Variants in NRG1 observed in about 807,000 individuals in gnomAD.
NRG1 encodes pro-neuregulin-1, membrane-bound isoform.
A neutral mutation model predicts 63.8 loss-of-function variants in NRG1; 18 were observed. The observed-to-expected ratio is 0.28, with a 90% confidence interval of 0.19 to 0.42. The LOEUF (loss-of-function observed/expected upper bound fraction) is 0.42, where lower values mean the gene tolerates loss of function less well. Ranked by LOEUF, NRG1 falls within the 10% of genes least tolerant of loss-of-function variation. The pLI is 1.00. For synonymous variants in NRG1, 302 were observed against 301.3 expected, an observed-to-expected ratio of 1.00 and a Z score of -0.02; for missense variants, 762 against 814.7, an observed-to-expected ratio of 0.94 and a Z score of 0.79.
rs528748960 is a variant in NRG1 at position 31,805,455 on chromosome 8, T to C, written c.37+166024T>C. 3.9e-4 allele frequency among the ~76,000 whole-genome samples: 60 copies of C among 152,222 alleles called. No individual in the cohort carries two copies. In the South Asian group the frequency reaches 6.0e-3, roughly 15 times the overall value. Reference sequence around the variant, plus strand: ...AATTATTATGGATTATGAAACAGCATAATTAGTTGTAACAGTTTTACCTTG... The same window carrying C: ...AATTATTATGGATTATGAAACAGCACAATTAGTTGTAACAGTTTTACCTTG... On this transcript the variant is annotated intron_variant, in intron 1 of 10. Coordinates refer to the NRG1 transcript ENST00000519301.
chr8:31,923,476 A>G (rs929019027), intron 1 of NRG1, among the ~76,000 whole-genome samples: 2 of 152,120 alleles, frequency 1.3e-5, no homozygotes, highest in Admixed American at 1.3e-4. Flanking sequence ...CATAAAATGC[A>G]TTACTAATTG....
Position 31,840,823 on chromosome 8 carries a change from AAGAG to A in NRG1, c.37+201398_37+201401del, listed in dbSNP as rs756072417. On this transcript the variant is annotated intron_variant, in intron 1 of 10. Transcript: ENST00000519301. ...TTAGGTGCAGTGTAGGACACAAATAAAGAGAGAGAAGGGAGAGAACACTGCCGAG... is the reference window on the plus strand; with the variant it reads ...TTAGGTGCAGTGTAGGACACAAATAAAGAGAAGGGAGAGAACACTGCCGAG... Among the ~76,000 whole-genome samples the A allele has an allele frequency of 2.0e-4, 31 of 152,252 alleles. No homozygotes were observed. In the East Asian group the frequency reaches 2.1e-3, roughly 10 times the overall value.
intron 1 of NRG1, among the ~76,000 whole-genome samples, chr8:32,431,874 A>T (rs1356804937): frequency 6.6e-6 from 1 of 152,136 alleles, no homozygotes; most frequent in East Asian, 1.9e-4. Context: ...TGTGAACACT[A>T]TCAGTAGGGA....
At chr8:31,831,622 G>T (rs1825171239) in intron 1 of NRG1, among the ~76,000 whole-genome samples, 1 of 152,156 alleles carries the variant, frequency 6.6e-6, no homozygotes, top group Admixed American at 6.5e-5. Context: ...ACTAGTGACA[G>T]GGTCAATTTT....
intron 1 of NRG1, among the ~76,000 whole-genome samples, chr8:32,567,996 G>C (rs1031440695): frequency 2.0e-5 from 3 of 152,338 alleles, no homozygotes; most frequent in Non-Finnish European, 4.4e-5. Flanking sequence ...GGCAGGTCAA[G>C]GGTGAGATTT....
intron 1 of NRG1, among the ~76,000 whole-genome samples, chr8:32,522,676 C>T (rs1470975960): frequency 6.6e-6 from 1 of 152,202 alleles, no homozygotes; most frequent in Non-Finnish European, 1.5e-5. Context: ...TTCAATTTCT[C>T]CCTTTCTTGT....
intron 1 of NRG1, among the ~76,000 whole-genome samples, chr8:32,364,843 A>T (rs1351540311): frequency 6.6e-6 from 1 of 152,020 alleles, no homozygotes; most frequent in Non-Finnish European, 1.5e-5. Flanking sequence ...ATATTTAATT[A>T]TCTGATGAGT....
At chr8:32,159,136 C>T (rs2131894178) in intron 1 of NRG1, among the ~76,000 whole-genome samples, 1 of 152,336 alleles carries the variant, frequency 6.6e-6, no homozygotes, top group Non-Finnish European at 1.5e-5. Context: ...CACTAGTCAG[C>T]ATTATTACCT....
chr8:32,544,679 C>CTTTTTT (rs755780220), upstream of NRG1, among the ~76,000 whole-genome samples: 186 of 80,466 alleles, frequency 2.3e-3, no homozygotes, highest in Middle Eastern at 0.013. Context: ...ATTTTTGTAT[C>CTTTTTT]TTTTTTTTTT....
chr8:32,548,407 C>T (rs1311318657), exon 1 of NRG1: 2 of 1,091,720 alleles, frequency 1.8e-6, no homozygotes, highest in African/African-American at 3.3e-5. Flanking sequence ...ATAACCTCTC[C>T]CCGATCGGGT....
chr8:32,099,689 G>A (rs1033161599), intron 1 of NRG1: 3 of 152,220 alleles, frequency 2.0e-5, no homozygotes, highest in African/African-American at 7.2e-5. Context: ...ACCAGTTGTT[G>A]AAGAACCTTG....
At chr8:32,519,523 A>G (rs1359217933) in intron 1 of NRG1, among the ~76,000 whole-genome samples, 6 of 152,000 alleles carry the variant, frequency 3.9e-5, no homozygotes, top group Non-Finnish European at 8.8e-5. Flanking sequence ...ATTATACGCA[A>G]GATTTGAAAC....
chr8:32,066,286 C>A (rs1456934991), intron 1 of NRG1, among the ~76,000 whole-genome samples: 1 of 152,136 alleles, frequency 6.6e-6, no homozygotes, highest in East Asian at 1.9e-4. Flanking sequence ...AATGGTATTG[C>A]CTAGGTTTTC....
chr8:32,251,896 C>T (rs1173694380), intron 1 of NRG1, among the ~76,000 whole-genome samples: 1 of 75,834 alleles, frequency 1.3e-5, no homozygotes, highest in East Asian at 2.6e-4. Context: ...ATGTTAGCTG[C>T]ATAATGTCAT....
intron 1 of NRG1, among the ~76,000 whole-genome samples, chr8:32,342,882 A>T (rs528216475): frequency 6.6e-6 from 1 of 152,328 alleles, no homozygotes; most frequent in Non-Finnish European, 1.5e-5. Context: ...AGATGGGCTT[A>T]TATTCAGGCA....
intron 1 of NRG1, among the ~76,000 whole-genome samples, chr8:32,337,525 T>C (rs1336367127): frequency 6.6e-6 from 1 of 151,812 alleles, no homozygotes; most frequent in African/African-American, 2.4e-5. Flanking sequence ...TGCCTTTGAA[T>C]GGGGACCACA....
intron 1 of NRG1, among the ~76,000 whole-genome samples, chr8:32,468,288 T>G (rs1823326890): frequency 1.3e-5 from 2 of 152,214 alleles, no homozygotes; most frequent in South Asian, 4.1e-4. Context: ...TCCTCTTAGC[T>G]TCTGTCTGTT....
Position 32,577,616 on chromosome 8 carries a change from C to T in NRG1, c.101-18212C>T, listed in dbSNP as rs533262636. Among the ~76,000 whole-genome samples the T allele has an allele frequency of 2.0e-5, 3 of 152,214 alleles. No homozygotes were observed. In the South Asian group the frequency reaches 6.2e-4, roughly 32 times the overall value. Reference sequence around the variant, plus strand: ...AACACCAACAAGAATAACAATGAACCTAATAAAAAACTAGCATAGTTATGG... The same window carrying T: ...AACACCAACAAGAATAACAATGAACTTAATAAAAAACTAGCATAGTTATGG... On this transcript the variant is annotated intron_variant, in intron 1 of 11. Transcript: ENST00000356819.
intron 6 of NRG1, among the ~76,000 whole-genome samples, chr8:32,730,935 C>T (rs1340855893): frequency 1.3e-5 from 2 of 152,054 alleles, no homozygotes; most frequent in African/African-American, 2.4e-5. Flanking sequence ...ACAGTGTACC[C>T]ATATTATCTA....
Sources: gnomAD v4.1 joint callset for allele counts (sites outside exome capture counted in the v4.1 genomes callset) on GRCh38, gnomAD v4.1.1 for gene constraint, MANE v1.5 for transcripts, NCBI Gene and HGNC (gene_info 2026-07-23, HGNC 2026-07-21) for gene names.